Variants in PTPRT observed in about 807,000 individuals in gnomAD.
The protein encoded by PTPRT is receptor-type tyrosine-protein phosphatase T.
Under a neutral mutation model 176.8 loss-of-function variants are expected in PTPRT, and 56 were observed. The ratio of observed to expected loss-of-function variants is 0.32; its 90% CI spans 0.26 to 0.40. PTPRT has a LOEUF of 0.40. Among genes scored for constraint, PTPRT ranks in the 10% least tolerant of loss-of-function variants. PTPRT has a pLI of 1.00. For synonymous variants in PTPRT, 783 were observed against 739.0 expected, an observed-to-expected ratio of 1.06 and a Z score of -0.96; for missense variants, 1,540 against 1,908.2, an observed-to-expected ratio of 0.81 and a Z score of 3.60.
In PTPRT at chr20:42,472,296, C is replaced by T. The variant is rs757806313; in HGVS notation, c.1420G>A (p.Glu474Lys). Reference protein sequence around the residue: ...LSNPEGRMESEELVVQTEEDV... With the variant: ...LSNPEGRMESKELVVQTEEDV... Reference sequence around the variant, plus strand: ...TCCTCAGTCTGCACCACCAGCTCCTCGCTCTCCATTCGGCCCTCGGGGTTA... The same window carrying T: ...TCCTCAGTCTGCACCACCAGCTCCTTGCTCTCCATTCGGCCCTCGGGGTTA... The change falls in exon 8 of 31, where the codon GAG becomes AAG. Residue 474 changes from glutamate to lysine, a missense_variant. This residue lies in a region of PTPRT where 79 missense variants were observed against 80.0 expected (regional missense o/e 0.99). Coordinates refer to ENST00000373187, the MANE Select transcript of PTPRT (RefSeq NM_007050.6). 8.7e-6 allele frequency: 14 copies of T among 1,614,088 alleles called. No homozygotes were observed. Among genetic ancestry groups the T allele is most frequent in the South Asian group, 6.6e-5 (6 of 91,090 alleles).
chr20:43,012,506 G>A (rs1320814146), intron 1 of PTPRT, among the ~76,000 whole-genome samples: 1 of 152,130 alleles, frequency 6.6e-6, no homozygotes, highest in Non-Finnish European at 1.5e-5. Flanking sequence ...GATAGATATC[G>A]GGGGTGGTTG....
chr20:43,001,459 A>G (rs556338062), intron 1 of PTPRT, among the ~76,000 whole-genome samples: 5 of 148,990 alleles, frequency 3.4e-5, no homozygotes, highest in South Asian at 2.1e-4. Context: ...CCCTATAGCA[A>G]AGGTGGATAC....
chr20:43,153,391 A>G (rs2014423794), intron 1 of PTPRT, among the ~76,000 whole-genome samples: 1 of 152,346 alleles, frequency 6.6e-6, no homozygotes, highest in South Asian at 2.1e-4. Flanking sequence ...CTTATTTTCC[A>G]TAATCTAGAT....
intron 7 of PTPRT, among the ~76,000 whole-genome samples, chr20:42,492,943 T>A (rs2071586486): frequency 6.6e-6 from 1 of 152,220 alleles, no homozygotes; most frequent in Admixed American, 6.5e-5. Context: ...TCATTCTATT[T>A]CTCAGATCTT....
chr20:42,521,709 G>T (rs1307208897), intron 7 of PTPRT, among the ~76,000 whole-genome samples: 1 of 152,150 alleles, frequency 6.6e-6, no homozygotes. Context: ...ATAGCAATTT[G>T]CAGTTTTTAA....
rs188443801 is a variant in PTPRT, at chr20:42,983,047, C to T, written c.89-97115G>A. ...CAACCTGTCTACACAGGCTCAGACT[C>T]CAGGCTGGCTCCGGTGGCTCCTTTG... On this transcript the variant is annotated intron_variant, in intron 1 of 30. Transcript: ENST00000373187. Among the ~76,000 whole-genome samples, 335 of 152,304 alleles carry T rather than the reference C, an allele frequency of 2.2e-3. 1 individual carries two copies. The highest frequency in any genetic ancestry group is 7.7e-3 in the African/African-American group (318 of 41,560).
chr20:42,594,585 A>T (rs60352462), intron 7 of PTPRT, among the ~76,000 whole-genome samples: 1 of 152,102 alleles, frequency 6.6e-6, no homozygotes, highest in East Asian at 1.9e-4. Flanking sequence ...TAGGGAAATC[A>T]GATTTTGCCT....
At chr20:42,934,708 A>T (rs2145979214) in intron 1 of PTPRT, among the ~76,000 whole-genome samples, 1 of 152,298 alleles carries the variant, frequency 6.6e-6, no homozygotes, top group Middle Eastern at 3.4e-3. Context: ...ACAACACACC[A>T]GCTTGCTTCA....
intron 13 of PTPRT, among the ~76,000 whole-genome samples, chr20:42,262,408 C>A (rs1462368336): frequency 6.6e-6 from 1 of 152,190 alleles, no homozygotes; most frequent in Non-Finnish European, 1.5e-5. Flanking sequence ...TGGGCCAACA[C>A]CATGAGATCC....
At chr20:42,524,991 T>C (rs186728750) in intron 7 of PTPRT, among the ~76,000 whole-genome samples, 1 of 152,290 alleles carries the variant, frequency 6.6e-6, no homozygotes, top group East Asian at 1.9e-4. Flanking sequence ...CAATCCATTA[T>C]CCCATTATTC....
chr20:42,412,902 AT>A (rs996585272), intron 9 of PTPRT, among the ~76,000 whole-genome samples: 7 of 152,146 alleles, frequency 4.6e-5, no homozygotes, highest in African/African-American at 1.7e-4. Context: ...GGAAGAATTA[AT>A]TTTAAAGGGG....
chr20:42,495,487 G>T (rs1464172029), intron 7 of PTPRT, among the ~76,000 whole-genome samples: 1 of 152,084 alleles, frequency 6.6e-6, no homozygotes, highest in Non-Finnish European at 1.5e-5. Flanking sequence ...TACCCTTTAT[G>T]CCCAAAGAAT....
At chr20:42,948,735 A>G (rs928554223) in intron 1 of PTPRT, among the ~76,000 whole-genome samples, 1 of 152,208 alleles carries the variant, frequency 6.6e-6, no homozygotes, top group Non-Finnish European at 1.5e-5. Flanking sequence ...GAAGTTTCCA[A>G]GTAAATGACC....
chr20:42,993,286 C>A (rs986444954), intron 1 of PTPRT, among the ~76,000 whole-genome samples: 2 of 150,008 alleles, frequency 1.3e-5, no homozygotes, highest in African/African-American at 5.0e-5. Flanking sequence ...GGCGTGGTGG[C>A]GGGTGCATGT....
At chr20:42,696,242 T>A (rs1223844450) in intron 6 of PTPRT, among the ~76,000 whole-genome samples, 1 of 151,146 alleles carries the variant, frequency 6.6e-6, no homozygotes, top group African/African-American at 2.4e-5. Context: ...TTTTTTCCTC[T>A]ATTTCTCTCC....
chr20:42,545,527 C>T (rs1010368677), intron 7 of PTPRT, among the ~76,000 whole-genome samples: 1 of 152,190 alleles, frequency 6.6e-6, no homozygotes, highest in African/African-American at 2.4e-5. Flanking sequence ...ATTCCCCAGC[C>T]TATCCTGAGG....
At chr20:42,243,097 CAGAGACAG>C (rs1278870095) in intron 14 of PTPRT, among the ~76,000 whole-genome samples, 2 of 150,220 alleles carry the variant, frequency 1.3e-5, no homozygotes, top group Non-Finnish European at 3.0e-5. Flanking sequence ...GACAGAGAGA[CAGAGACAG>C]AGAGACAGAG....
intron 2 of PTPRT, among the ~76,000 whole-genome samples, chr20:42,868,985 A>G (rs2078798142): frequency 1.3e-5 from 2 of 152,180 alleles, no homozygotes; most frequent in Admixed American, 1.3e-4. Context: ...GGGCATAAAC[A>G]GTCAACCTTG....
chr20:42,777,030 GT>G (rs1600725935), intron 4 of PTPRT, among the ~76,000 whole-genome samples: 2 of 152,188 alleles, frequency 1.3e-5, no homozygotes, highest in South Asian at 2.1e-4. Flanking sequence ...GTAAATACTT[GT>G]TGGATGATGA....
Sources: gnomAD v4.1 joint callset for allele counts (sites outside exome capture counted in the v4.1 genomes callset) on GRCh38, gnomAD v4.1.1 for gene constraint, gnomAD v4.1.1 regional missense constraint, MANE v1.5 for transcripts, NCBI Gene and HGNC (gene_info 2026-07-23, HGNC 2026-07-21) for gene names.